The following PPT2 variants were observed in gnomAD, a reference collection of about 807,000 sequenced individuals.
PPT2 encodes the protein palmitoyl-protein thioesterase 2.
Under a neutral mutation model 37.3 loss-of-function variants are expected in PPT2, and 20 were observed. The ratio of observed to expected loss-of-function variants is 0.54; its 90% CI spans 0.38 to 0.78. PPT2 has a LOEUF of 0.78. Ranked by LOEUF, PPT2 falls within the 30% of genes least tolerant of loss-of-function variation. The pLI, the probability that PPT2 is intolerant of heterozygous loss-of-function variation, is 0.00. For missense variants in PPT2, 270 were observed against 389.8 expected, an observed-to-expected ratio of 0.69 and a Z score of 2.59; for synonymous variants, 135 against 159.1, an observed-to-expected ratio of 0.85 and a Z score of 1.14.
In PPT2 at chr6:32,163,379, C is replaced by T. The variant is rs2127399227; in HGVS notation, c.*429C>T. ...TTTAGCTTCTCTCCTCCCCATGTTC[C>T]CTTTTTTCTCTAAAGTCCCCTGACA... On this transcript the variant is annotated 3_prime_UTR_variant, in exon 9 of 9. Transcript: ENST00000324816. The T allele has an allele frequency of 5.6e-6, 1 of 179,016 alleles. No individual in the cohort carries two copies. Among genetic ancestry groups the T allele is most frequent in the Admixed American group, 5.5e-5 (1 of 18,252 alleles). The allele number at this position is 179,016 out of a possible 1,614,324, so 11.1% of individuals were successfully genotyped here.
intron 7 of PPT2, among the ~76,000 whole-genome samples, chr6:32,158,887 G>C (rs1289232702): frequency 6.6e-6 from 1 of 152,212 alleles, no homozygotes; most frequent in African/African-American, 2.4e-5. Flanking sequence ...AGGAGCTGGG[G>C]AGAGGACAGG....
Sources: allele counts gnomAD v4.1 joint callset (sites outside exome capture counted in the v4.1 genomes callset), GRCh38; gene constraint gnomAD v4.1.1; transcripts MANE v1.5; gene names NCBI Gene and HGNC (gene_info 2026-07-23, HGNC 2026-07-21).